CSGALNACT1: variants seen among roughly 807,000 people sequenced by gnomAD.
CSGALNACT1 encodes the protein beta4GalNAcT-1.
A neutral mutation model predicts 51.0 loss-of-function variants in CSGALNACT1; 52 were observed. The ratio of observed to expected loss-of-function variants is 1.02; its 90% CI spans 0.82 to 1.29. The LOEUF is 1.29. Among genes scored for constraint, CSGALNACT1 ranks in the 50% most tolerant of loss-of-function variants. CSGALNACT1 has a pLI of 0.00. For synonymous variants in CSGALNACT1, 341 were observed against 254.4 expected (o/e 1.34, Z -3.24); for missense variants, 935 against 679.2 (o/e 1.38, Z -4.19).
chr8:19,514,208 C>T (rs934688233), intron 3 of CSGALNACT1, among the ~76,000 whole-genome samples: 5 of 151,968 alleles, frequency 3.3e-5, no homozygotes, highest in Non-Finnish European at 5.9e-5. Context: ...GGGGAGTCAA[C>T]AATTAAATGC....
In CSGALNACT1 at chr8:19,427,499, G is replaced by C. The variant is rs2058948585; in HGVS notation, c.954-6981C>G. Among the ~76,000 whole-genome samples, 4 of 152,092 alleles carry C rather than the reference G, an allele frequency of 2.6e-5. No individual in the cohort carries two copies. In the South Asian group the frequency reaches 8.3e-4, roughly 32 times the overall value. ...GCATGGAGTTTCCTTAGAAAATTAG[G>C]GGGTGGCAGCCGGGTGTGGTGGCTC... On this transcript the variant is annotated intron_variant, in intron 6 of 9. Transcript: ENST00000454498.
intron 1 of CSGALNACT1, among the ~76,000 whole-genome samples, chr8:19,630,705 T>C (rs1432165568): frequency 6.6e-6 from 1 of 152,224 alleles, no homozygotes; most frequent in African/African-American, 2.4e-5. Context: ...TTTTCCAGAA[T>C]GTCATATAGT....
At chr8:19,651,155 T>C (rs541797900) in intron 1 of CSGALNACT1, among the ~76,000 whole-genome samples, 6 of 152,314 alleles carry the variant, frequency 3.9e-5, no homozygotes, top group African/African-American at 7.2e-5. Context: ...GAACTAGCCA[T>C]AGATCATGTT....
At chr8:19,543,439 A>G (rs772429643) in intron 3 of CSGALNACT1, among the ~76,000 whole-genome samples, 1 of 152,184 alleles carries the variant, frequency 6.6e-6, no homozygotes. Flanking sequence ...TCTCTAACTG[A>G]TAAGGTTGTT....
chr8:19,441,933 G>C (rs1380250538), intron 5 of CSGALNACT1, among the ~76,000 whole-genome samples: 1 of 152,188 alleles, frequency 6.6e-6, no homozygotes, highest in African/African-American at 2.4e-5. Context: ...CTTCTCAAAA[G>C]AAGACATTTA....
chr8:19,634,043 T>C (rs1376195565), intron 1 of CSGALNACT1, among the ~76,000 whole-genome samples: 1 of 152,188 alleles, frequency 6.6e-6, no homozygotes, highest in Non-Finnish European at 1.5e-5. Context: ...ATAAAGCCCC[T>C]CCTGGGACTT....
At chr8:19,638,455 G>C (rs2056368697) in intron 1 of CSGALNACT1, among the ~76,000 whole-genome samples, 1 of 152,124 alleles carries the variant, frequency 6.6e-6, no homozygotes, top group African/African-American at 2.4e-5. Context: ...ATTACTCTCA[G>C]TTAATTGTTC....
intron 3 of CSGALNACT1, among the ~76,000 whole-genome samples, chr8:19,529,672 A>C (rs1440751005): frequency 3.3e-5 from 5 of 152,156 alleles, no homozygotes; most frequent in African/African-American, 4.8e-5. Flanking sequence ...ACATACACCC[A>C]CACACACAGA....
intron 4 of CSGALNACT1, among the ~76,000 whole-genome samples, chr8:19,500,456 A>C (rs2076225981): frequency 6.6e-6 from 1 of 152,136 alleles, no homozygotes; most frequent in African/African-American, 2.4e-5. Context: ...CACAAGTCAC[A>C]AAGTTGCTAT....
chr8:19,413,719 T>C (rs774910780), intron 8 of CSGALNACT1, among the ~76,000 whole-genome samples: 2 of 152,164 alleles, frequency 1.3e-5, no homozygotes, highest in Non-Finnish European at 2.9e-5. Flanking sequence ...CTGAACAGTA[T>C]CACAAAGTCA....
At chr8:19,594,686 G>C (rs1202754358) in intron 2 of CSGALNACT1, among the ~76,000 whole-genome samples, 1 of 151,326 alleles carries the variant, frequency 6.6e-6, no homozygotes, top group Non-Finnish European at 1.5e-5. Flanking sequence ...TGGGATTACA[G>C]GTACACGCCA....
At chr8:19,588,437 CA>C (rs1285700240) in intron 3 of CSGALNACT1, among the ~76,000 whole-genome samples, 1 of 152,070 alleles carries the variant, frequency 6.6e-6, no homozygotes, top group African/African-American at 2.4e-5. Flanking sequence ...TAAGTTCATC[CA>C]AGCAAACTCA....
chr8:19,601,780 C>CA (rs1180742743), exon 2 of CSGALNACT1: 1 of 453,260 alleles, frequency 2.2e-6, no homozygotes, highest in Admixed American at 2.4e-5. Context: ...CCTGGGGGTT[C>CA]AAGAAGGGAA....
chr8:19,416,051 A>C (rs1466195827), intron 8 of CSGALNACT1, among the ~76,000 whole-genome samples: 1 of 152,018 alleles, frequency 6.6e-6, no homozygotes. Flanking sequence ...AACAGGCTGC[A>C]TATGAGATGG....
chr8:19,717,618 AATCAAACAGCTAATACGCCCT>A lies in CSGALNACT1; in HGVS notation c.-297+40211_-297+40231del, dbSNP rs554708904. ...TTATGTGGTTTAGACATTAAGATAG[AATCAAACAGCTAATACGCCCT>A]ATTCGGGTCTCCGGTTCCCAGGACC... is the stretch of plus-strand genomic sequence containing the variant. On this transcript the variant is annotated intron_variant, in intron 1 of 1. Transcript: ENST00000517494. 5.3e-5 allele frequency among the ~76,000 whole-genome samples: 8 copies of A among 152,280 alleles called. No homozygotes were observed. In the East Asian group the frequency reaches 1.2e-3, roughly 22 times the overall value.
intron 3 of CSGALNACT1, among the ~76,000 whole-genome samples, chr8:19,509,007 T>A (rs978798752): frequency 6.6e-6 from 1 of 152,204 alleles, no homozygotes; most frequent in Non-Finnish European, 1.5e-5. Flanking sequence ...AAAAGACAGA[T>A]TTTTAGGAAG....
At chr8:19,627,891 T>C (rs980748820) in intron 1 of CSGALNACT1, among the ~76,000 whole-genome samples, 1 of 152,204 alleles carries the variant, frequency 6.6e-6, no homozygotes, top group African/African-American at 2.4e-5. Context: ...GTTCAGTTAA[T>C]AGTGTTGAAA....
chr8:19,530,220 G>GA (rs1419417017), intron 3 of CSGALNACT1, among the ~76,000 whole-genome samples: 4 of 133,900 alleles, frequency 3.0e-5, no homozygotes, highest in African/African-American at 9.1e-5. Context: ...GACTCTGGCT[G>GA]AAAAAACAAA....
intron 5 of CSGALNACT1, among the ~76,000 whole-genome samples, chr8:19,445,725 T>C (rs1035395747): frequency 1.3e-5 from 2 of 152,154 alleles, no homozygotes; most frequent in Admixed American, 1.3e-4. Flanking sequence ...AGAATATGAG[T>C]CTCATACCAT....
Sources: gnomAD v4.1 joint callset for allele counts (sites outside exome capture counted in the v4.1 genomes callset) on GRCh38, gnomAD v4.1.1 for gene constraint, MANE v1.5 for transcripts, NCBI Gene and HGNC (gene_info 2026-07-23, HGNC 2026-07-21) for gene names.